The following PTPRT variants were observed in gnomAD, a reference collection of about 807,000 sequenced individuals.
PTPRT encodes the protein protein tyrosine phosphatase receptor type T.
In PTPRT, 56 loss-of-function variants were observed where a neutral mutation model predicts 176.8. The observed-to-expected ratio is 0.32, with a 90% CI of 0.26 to 0.40. The LOEUF is 0.40. Ranked by LOEUF, PTPRT falls within the 10% of genes least tolerant of loss-of-function variation. The pLI, the probability that PTPRT is intolerant of heterozygous loss-of-function variation, is 1.00. For missense variants in PTPRT, 1,540 were observed against 1,908.2 expected, an observed-to-expected ratio of 0.81 and a Z score of 3.60; for synonymous variants, 783 against 739.0, an observed-to-expected ratio of 1.06 and a Z score of -0.96.
At chr20:42,934,975 G>T (rs1600571924) in intron 1 of PTPRT, among the ~76,000 whole-genome samples, 1 of 151,062 alleles carries the variant, frequency 6.6e-6, no homozygotes, top group African/African-American at 2.4e-5. Flanking sequence ...TATTCAGGAG[G>T]CTGAGGCAAG....
At chr20:42,071,850 G>A (rs1187193994), downstream of PTPRT, among the ~76,000 whole-genome samples, 1 of 151,850 alleles carries the variant, frequency 6.6e-6, no homozygotes, top group Non-Finnish European at 1.5e-5. Flanking sequence ...GTGGAGATAA[G>A]GTCTCATTAT....
At chr20:43,003,373 A>C (rs1286494339) in intron 1 of PTPRT, among the ~76,000 whole-genome samples, 1 of 152,030 alleles carries the variant, frequency 6.6e-6, no homozygotes, top group East Asian at 1.9e-4. Flanking sequence ...TTTTTTGTAG[A>C]GACTAGGGGC....
intron 7 of PTPRT, among the ~76,000 whole-genome samples, chr20:42,582,505 C>T (rs915551518): frequency 6.6e-5 from 10 of 152,230 alleles, no homozygotes; most frequent in Admixed American, 2.0e-4. Flanking sequence ...GGGGTGAGTC[C>T]GCCTGAAATT....
At chr20:43,002,434 T>G (rs2146132500) in intron 1 of PTPRT, among the ~76,000 whole-genome samples, 1 of 152,320 alleles carries the variant, frequency 6.6e-6, no homozygotes, top group Non-Finnish European at 1.5e-5. Context: ...GTACTGTAAA[T>G]ATTTAGTTCC....
At chr20:42,882,601 T>G (rs542175628) in intron 2 of PTPRT, among the ~76,000 whole-genome samples, 1 of 152,350 alleles carries the variant, frequency 6.6e-6, no homozygotes, top group African/African-American at 2.4e-5. Flanking sequence ...TTCATTCCTG[T>G]ATTAATAAAA....
At chr20:42,236,486 G>T (rs1052583501) in intron 14 of PTPRT, among the ~76,000 whole-genome samples, 4 of 152,062 alleles carry the variant, frequency 2.6e-5, no homozygotes, top group Non-Finnish European at 5.9e-5. Flanking sequence ...TCTATAATAG[G>T]GAAACCCATG....
intron 9 of PTPRT, among the ~76,000 whole-genome samples, chr20:42,362,752 G>A (rs1331637043): frequency 6.6e-6 from 1 of 152,062 alleles, no homozygotes; most frequent in Non-Finnish European, 1.5e-5. Context: ...GCCAGGTGAT[G>A]GGTATATAGA....
intron 11 of PTPRT, among the ~76,000 whole-genome samples, chr20:42,325,426 GAATCATGAA>G (rs1214180502): frequency 6.6e-6 from 1 of 152,122 alleles, no homozygotes; most frequent in East Asian, 1.9e-4. Context: ...TTGGGTAAAG[GAATCATGAA>G]AATCCAGTTG....
intron 27 of PTPRT, among the ~76,000 whole-genome samples, chr20:42,095,964 T>C (rs1024621789): frequency 3.9e-5 from 6 of 152,164 alleles, no homozygotes; most frequent in African/African-American, 1.4e-4. Context: ...TTCCTGACTT[T>C]CATATTTTCC....
intron 18 of PTPRT, among the ~76,000 whole-genome samples, chr20:42,138,043 C>T (rs13045773): frequency 0.065 from 9,872 of 152,314 alleles, 580 homozygotes; most frequent in East Asian, 0.26. Flanking sequence ...GTTGCACATG[C>T]GTCACCATCA....
chr20:42,069,570 C>G (rs908193648), downstream of PTPRT, among the ~76,000 whole-genome samples: 6 of 151,980 alleles, frequency 3.9e-5, no homozygotes, highest in African/African-American at 1.5e-4. Flanking sequence ...TATAATTGGC[C>G]TTTCCGGGTA....
intron 17 of PTPRT, among the ~76,000 whole-genome samples, chr20:42,156,025 C>T (rs1433592495): frequency 3.3e-5 from 5 of 152,198 alleles, no homozygotes; most frequent in Non-Finnish European, 1.5e-5. Context: ...CATGCTTCCT[C>T]CCAAACCGTT....
intron 11 of PTPRT, among the ~76,000 whole-genome samples, chr20:42,325,405 A>G (rs2057867313): frequency 6.6e-6 from 1 of 152,142 alleles, no homozygotes; most frequent in South Asian, 2.1e-4. Flanking sequence ...AATTTAGAGG[A>G]AGAAAATATG....
At chr20:42,911,087 C>G (rs1293569404) in intron 1 of PTPRT, among the ~76,000 whole-genome samples, 1 of 152,108 alleles carries the variant, frequency 6.6e-6, no homozygotes, top group Non-Finnish European at 1.5e-5. Flanking sequence ...TCTCCCTTGA[C>G]ACATGGGGAT....
chr20:42,427,136 G>A (rs1321852535), intron 9 of PTPRT, among the ~76,000 whole-genome samples: 1 of 152,130 alleles, frequency 6.6e-6, no homozygotes, highest in African/African-American at 2.4e-5. Flanking sequence ...AGTCAGATTT[G>A]AAAGCCATTG....
intron 7 of PTPRT, among the ~76,000 whole-genome samples, chr20:42,634,085 TA>T (rs61535258): frequency 2.3e-5 from 1 of 44,222 alleles, no homozygotes; most frequent in Non-Finnish European, 3.9e-5. Flanking sequence ...AATATATATA[TA>T]ATATAATAAT....
At chr20:42,349,964 G>T (rs118014612) in intron 11 of PTPRT, among the ~76,000 whole-genome samples, 1,632 of 152,206 alleles carry the variant, frequency 0.011, 15 homozygotes, top group Non-Finnish European at 0.015. Flanking sequence ...TGCCCCTATG[G>T]GACTCCAGCA....
intron 27 of PTPRT, among the ~76,000 whole-genome samples, chr20:42,095,859 A>T (rs1031329939): frequency 2.0e-5 from 3 of 152,164 alleles, no homozygotes; most frequent in African/African-American, 7.2e-5. Flanking sequence ...GCCTGAATCA[A>T]TAGACTCTCT....
chr20:42,778,728 C>G (rs1474190733), intron 4 of PTPRT, among the ~76,000 whole-genome samples: 1 of 152,170 alleles, frequency 6.6e-6, no homozygotes, highest in African/African-American at 2.4e-5. Context: ...CCCACGAGTC[C>G]AGGGTGGGGA....
Sources: allele counts gnomAD v4.1 joint callset (sites outside exome capture counted in the v4.1 genomes callset), GRCh38; gene constraint gnomAD v4.1.1; transcripts MANE v1.5; gene names NCBI Gene and HGNC (gene_info 2026-07-23, HGNC 2026-07-21).